Variants in USP30 observed in about 807,000 individuals in gnomAD.
USP30 encodes ubiquitin carboxyl-terminal hydrolase 30.
Under a neutral mutation model 68.2 loss-of-function variants are expected in USP30, and 41 were observed. The observed-to-expected ratio is 0.60, with a 90% CI of 0.47 to 0.78. USP30 has a LOEUF of 0.78. Ranked by LOEUF, USP30 falls within the 30% of genes least tolerant of loss-of-function variation. The probability of loss-of-function intolerance (pLI) is 0.00; values close to 1 mark genes in which losing one functional copy is unlikely to be tolerated. For missense variants in USP30, 522 were observed against 649.4 expected, an observed-to-expected ratio of 0.80 and a Z score of 2.13; for synonymous variants, 229 against 253.7, an observed-to-expected ratio of 0.90 and a Z score of 0.93.
At chr12:109,038,128 C>G (rs1420811762) in intron 3 of USP30, among the ~76,000 whole-genome samples, 1 of 151,954 alleles carries the variant, frequency 6.6e-6, no homozygotes, top group Non-Finnish European at 1.5e-5. Flanking sequence ...GGTATTTAGC[C>G]CAACATTCAT....
chr12:109,063,315 A>G (rs1203525543), intron 3 of USP30, among the ~76,000 whole-genome samples: 2 of 152,024 alleles, frequency 1.3e-5, no homozygotes, highest in African/African-American at 4.8e-5. Context: ...TGGCCAGGCT[A>G]ATCTTGAACT....
chr12:109,038,119 G>A (rs1450695119), intron 3 of USP30, among the ~76,000 whole-genome samples: 1 of 151,836 alleles, frequency 6.6e-6, no homozygotes, highest in Non-Finnish European at 1.5e-5. Context: ...TATCACCTAG[G>A]TATTTAGCCC....
At chr12:109,033,930 G>A (rs1009812731) in intron 3 of USP30, among the ~76,000 whole-genome samples, 1 of 152,174 alleles carries the variant, frequency 6.6e-6, no homozygotes, top group African/African-American at 2.4e-5. Context: ...AAAGGGCAGA[G>A]AGAAAAACTG....
chr12:109,079,311 C>CT (rs1364071105), intron 7 of USP30, among the ~76,000 whole-genome samples: 1 of 45,716 alleles, frequency 2.2e-5, no homozygotes, highest in East Asian at 6.8e-4. Flanking sequence ...TTCACTGATT[C>CT]TTTTTTCTCT....
intron 3 of USP30, among the ~76,000 whole-genome samples, chr12:109,031,557 A>G (rs1389599370): frequency 1.3e-5 from 2 of 152,276 alleles, no homozygotes; most frequent in African/African-American, 4.8e-5. Flanking sequence ...ACAAATGTTC[A>G]TAGCAGCATT....
At chr12:109,036,206 G>C (rs2040518093) in intron 3 of USP30, among the ~76,000 whole-genome samples, 2 of 152,028 alleles carry the variant, frequency 1.3e-5, no homozygotes, top group African/African-American at 4.8e-5. Flanking sequence ...TACCTATGTA[G>C]CCAACTTTAC....
chr12:109,043,917 C>T (rs2040582534), intron 3 of USP30, among the ~76,000 whole-genome samples: 1 of 152,050 alleles, frequency 6.6e-6, no homozygotes, highest in Non-Finnish European at 1.5e-5. Flanking sequence ...TTGTATATAC[C>T]CATGTTCATA....
chr12:109,082,423 A>AT (rs1484220357), intron 9 of USP30: 1 of 565,864 alleles, frequency 1.8e-6, no homozygotes, highest in African/African-American at 1.9e-5. Context: ...AATAGATGAC[A>AT]TGCCAGTGTC....
At position 109,085,937 on chromosome 12, in the gene USP30, C is replaced by T; in HGVS notation, c.*6C>T. 3 of 1,611,372 alleles carry T rather than the reference C, an allele frequency of 1.9e-6. No individual in the cohort carries two copies. Among genetic ancestry groups the T allele is most frequent in the Non-Finnish European group, 2.5e-6 (3 of 1,178,346 alleles). On this transcript the variant is annotated 3_prime_UTR_variant, in exon 13 of 13. Coordinates refer to ENST00000257548, the MANE Select transcript of USP30 (RefSeq NM_032663.5). ...AGTGCAAGTCTGAAGAATGACTGTGCCCTCCTGCAAGGCTAGAGCTGATGG... is the reference window on the plus strand; with the variant it reads ...AGTGCAAGTCTGAAGAATGACTGTGTCCTCCTGCAAGGCTAGAGCTGATGG...
chr12:109,044,502 A>G (rs2040586942), intron 3 of USP30, among the ~76,000 whole-genome samples: 1 of 151,956 alleles, frequency 6.6e-6, no homozygotes, highest in African/African-American at 2.4e-5. Context: ...CCAGGCACAA[A>G]GGCTCGTGTC....
intron 3 of USP30, among the ~76,000 whole-genome samples, chr12:109,060,374 G>A (rs2041024851): frequency 6.6e-6 from 1 of 152,134 alleles, no homozygotes; most frequent in African/African-American, 2.4e-5. Context: ...GAGAAAATTG[G>A]ATTTAAAAAA....
At chr12:109,025,699 T>C (rs1328255892) in intron 2 of USP30, among the ~76,000 whole-genome samples, 1 of 151,208 alleles carries the variant, frequency 6.6e-6, no homozygotes, top group Non-Finnish European at 1.5e-5. Context: ...TTTGACAGGG[T>C]CTTGCTCTGT....
Position 109,085,840 on chromosome 12 carries a change from A to G in USP30, c.1463A>G (p.Glu488Gly). 6.2e-7 allele frequency: 1 copy of G among 1,614,222 alleles called. No homozygotes were observed. Among genetic ancestry groups the G allele is most frequent in the Non-Finnish European group, 8.5e-7 (1 of 1,180,042 alleles). Residue 488 changes from glutamate to glycine, a missense_variant, in exon 13 of 13, where the codon GAG (glutamate) becomes GGG (glycine). Physicochemically the swap from Glu to Gly is moderately conservative, Grantham distance 98. Transcript: ENST00000257548. ...DDTVRKASLQ[E>G]VLSSSAYLLF... ...ACTGTCCGCAAGGCCAGCCTGCAGG[A>G]GGTCCTGTCCTCCAGCGCCTACCTG...
At chr12:109,048,094 T>C (rs80001507), upstream of USP30, among the ~76,000 whole-genome samples, 1 of 151,454 alleles carries the variant, frequency 6.6e-6, no homozygotes, top group African/African-American at 2.4e-5. Context: ...TTTTTTTTTT[T>C]TTGAGACATG....
intron 2 of USP30, among the ~76,000 whole-genome samples, chr12:109,026,720 G>A (rs1356664930): frequency 2.0e-5 from 3 of 151,748 alleles, no homozygotes; most frequent in East Asian, 1.9e-4. Context: ...CACCCACCTC[G>A]GCCTCCCAAA....
intron 7 of USP30, among the ~76,000 whole-genome samples, chr12:109,074,337 A>G (rs1282713742): frequency 1.3e-5 from 2 of 152,250 alleles, no homozygotes; most frequent in Non-Finnish European, 2.9e-5. Context: ...GTGAACATTT[A>G]CATACAAGTT....
intron 2 of USP30, among the ~76,000 whole-genome samples, chr12:109,026,063 T>A (rs539602358): frequency 6.6e-6 from 1 of 152,236 alleles, no homozygotes; most frequent in South Asian, 2.1e-4. Flanking sequence ...ATGATTCTTT[T>A]AAATAATTTT....
chr12:109,043,866 A>G (rs2135675586), intron 3 of USP30, among the ~76,000 whole-genome samples: 1 of 152,378 alleles, frequency 6.6e-6, no homozygotes, highest in East Asian at 1.9e-4. Flanking sequence ...CAGGTTGGGT[A>G]CATATCCAAA....
At chr12:109,054,064 G>A (rs1457238820) in intron 1 of USP30, 4 of 455,910 alleles carry the variant, frequency 8.8e-6, no homozygotes, top group Non-Finnish European at 1.8e-5. Flanking sequence ...ACAGGGCCTG[G>A]CAGAGAGTAT....
Sources: allele counts gnomAD v4.1 joint callset (sites outside exome capture counted in the v4.1 genomes callset), GRCh38; gene constraint gnomAD v4.1.1; transcripts MANE v1.5; gene names NCBI Gene and HGNC (gene_info 2026-07-23, HGNC 2026-07-21).